Variants in CFAP299 observed in about 807,000 individuals in gnomAD.
The protein encoded by CFAP299 is cilia and flagella associated protein 299.
Under a neutral mutation model 27.0 loss-of-function variants are expected in CFAP299, and 21 were observed. The observed-to-expected ratio is 0.78, with a 90% CI of 0.55 to 1.12. The LOEUF is 1.12. Among genes scored for constraint, CFAP299 ranks in the 50% most tolerant of loss-of-function variants. The pLI, the probability that CFAP299 is intolerant of heterozygous loss-of-function variation, is 0.00. For synonymous variants in CFAP299, 104 were observed against 98.1 expected (o/e 1.06, Z -0.36); for missense variants, 310 against 276.6 (o/e 1.12, Z -0.86).
chr4:80,445,077 G>A (rs188452142), intron 2 of CFAP299, among the ~76,000 whole-genome samples: 151 of 152,280 alleles, frequency 9.9e-4, no homozygotes, highest in African/African-American at 3.4e-3. Flanking sequence ...TTGTTGGTGG[G>A]AGTGTAAATT....
At chr4:80,687,883 AG>A (rs1475748192) in intron 3 of CFAP299, among the ~76,000 whole-genome samples, 6 of 152,246 alleles carry the variant, frequency 3.9e-5, no homozygotes, top group Admixed American at 2.6e-4. Context: ...GGGGAAGCAC[AG>A]GGGGGTCAGG....
the CFAP299 span, among the ~76,000 whole-genome samples, chr4:80,328,393 T>A: frequency 6.6e-6 from 1 of 151,842 alleles, no homozygotes; most frequent in Non-Finnish European, 1.5e-5. Context: ...GAGGATGATA[T>A]CCAGAGAATT....
chr4:80,660,220 A>G (rs866570827), intron 3 of CFAP299, among the ~76,000 whole-genome samples: 1 of 152,164 alleles, frequency 6.6e-6, no homozygotes, highest in Non-Finnish European at 1.5e-5. Context: ...ACATTTTAGG[A>G]TAATGTTTTT....
At chr4:80,855,574 A>G (rs1300203818) in intron 3 of CFAP299, among the ~76,000 whole-genome samples, 1 of 151,972 alleles carries the variant, frequency 6.6e-6, no homozygotes, top group Non-Finnish European at 1.5e-5. Context: ...AACCCACAAC[A>G]GTCCCCAGAG....
intron 3 of CFAP299, among the ~76,000 whole-genome samples, chr4:80,832,992 T>C (rs950909867): frequency 1.3e-5 from 2 of 152,122 alleles, no homozygotes; most frequent in Non-Finnish European, 2.9e-5. Context: ...GTCCACATAT[T>C]TAAAAAGAGT....
At chr4:80,504,462 C>CATAT (rs56729877) in intron 2 of CFAP299, among the ~76,000 whole-genome samples, 4,385 of 37,324 alleles carry the variant, frequency 0.12, 392 homozygotes, top group Middle Eastern at 0.21. Flanking sequence ...TAAAATCTCA[C>CATAT]ATATATATAT....
At chr4:80,685,943 T>C (rs537386084) in intron 3 of CFAP299, among the ~76,000 whole-genome samples, 1 of 152,300 alleles carries the variant, frequency 6.6e-6, no homozygotes, top group South Asian at 2.1e-4. Flanking sequence ...ATAGTGTATC[T>C]GGCACAAGTA....
intron 4 of CFAP299, among the ~76,000 whole-genome samples, chr4:80,943,197 C>T (rs931872535): frequency 6.6e-6 from 1 of 152,108 alleles, no homozygotes; most frequent in Non-Finnish European, 1.5e-5. Context: ...TACTCTGTGC[C>T]TCAGTAGGGC....
intron 3 of CFAP299, among the ~76,000 whole-genome samples, chr4:80,772,082 C>T (rs1283348158): frequency 6.6e-6 from 1 of 152,120 alleles, no homozygotes; most frequent in East Asian, 1.9e-4. Flanking sequence ...CCTATTATTC[C>T]TGGCTGAGTA....
intron 3 of CFAP299, among the ~76,000 whole-genome samples, chr4:80,639,554 A>G (rs1739620761): frequency 6.6e-6 from 1 of 152,212 alleles, no homozygotes; most frequent in Non-Finnish European, 1.5e-5. Flanking sequence ...GAAAAAGGAC[A>G]AGTGTTGTGT....
intron 4 of CFAP299, among the ~76,000 whole-genome samples, chr4:80,886,099 C>T (rs548671694): frequency 2.6e-4 from 40 of 152,252 alleles, no homozygotes; most frequent in East Asian, 1.7e-3. Context: ...TGGTAATGGG[C>T]ACAGGGAGTG....
chr4:80,875,448 T>G (rs942278406), intron 4 of CFAP299, among the ~76,000 whole-genome samples: 1 of 151,802 alleles, frequency 6.6e-6, no homozygotes, highest in Admixed American at 6.6e-5. Flanking sequence ...GATCACAAGG[T>G]CAAGAGTTCG....
chr4:80,480,329 C>T (rs1194511525), intron 2 of CFAP299, among the ~76,000 whole-genome samples: 1 of 151,650 alleles, frequency 6.6e-6, no homozygotes, highest in East Asian at 1.9e-4. Context: ...AACTCCAAAC[C>T]AGAAGTGGTT....
intron 2 of CFAP299, among the ~76,000 whole-genome samples, chr4:80,499,263 A>G (rs1731617730): frequency 6.6e-6 from 1 of 152,198 alleles, no homozygotes; most frequent in South Asian, 2.1e-4. Context: ...AAAAGAAAAA[A>G]TAAATATTTG....
At chr4:80,830,131 T>C (rs1380824255) in intron 3 of CFAP299, among the ~76,000 whole-genome samples, 1 of 152,152 alleles carries the variant, frequency 6.6e-6, no homozygotes, top group African/African-American at 2.4e-5. Context: ...CAAAGTCATC[T>C]AGCTATTCCA....
chr4:80,624,586 A>G (rs983814116), intron 3 of CFAP299, among the ~76,000 whole-genome samples: 1 of 152,084 alleles, frequency 6.6e-6, no homozygotes, highest in Non-Finnish European at 1.5e-5. Flanking sequence ...TGCTAGCAGA[A>G]CAATTTTCAA....
intron 3 of CFAP299, among the ~76,000 whole-genome samples, chr4:80,805,875 CA>C (rs34732146): frequency 1.3e-5 from 2 of 150,880 alleles, no homozygotes; most frequent in Admixed American, 6.6e-5. Context: ...GACCTTGTCT[CA>C]AAAAAGTATT....
intron 3 of CFAP299, among the ~76,000 whole-genome samples, chr4:80,868,905 C>CTGTG (rs1184951626): frequency 0.035 from 4,870 of 137,584 alleles, 167 homozygotes; most frequent in African/African-American, 0.09. Context: ...GCTTCTCTCT[C>CTGTG]TGTGTGTGTG....
chr4:80,859,482 G>A (rs889606750), intron 3 of CFAP299, among the ~76,000 whole-genome samples: 4 of 151,900 alleles, frequency 2.6e-5, no homozygotes, highest in African/African-American at 9.7e-5. Flanking sequence ...TTGCTCGTTA[G>A]TTGATTCAGT....
Sources: gnomAD v4.1 joint callset for allele counts (sites outside exome capture counted in the v4.1 genomes callset) on GRCh38, gnomAD v4.1.1 for gene constraint, MANE v1.5 for transcripts, NCBI Gene and HGNC (gene_info 2026-07-23, HGNC 2026-07-21) for gene names.